Variants in VPS13B observed in about 807,000 individuals in gnomAD.
The protein encoded by VPS13B is intermembrane lipid transfer protein VPS13B.
In VPS13B, 285 loss-of-function variants were observed where a neutral mutation model predicts 426.4. The observed-to-expected ratio is 0.67, with a 90% confidence interval of 0.61 to 0.74. The LOEUF is 0.74. Among genes scored for constraint, VPS13B ranks in the 30% least tolerant of loss-of-function variants. The pLI is 0.00. For synonymous variants in VPS13B, 1,676 were observed against 1,676.4 expected, an observed-to-expected ratio of 1.00 and a Z score of 0.01; for missense variants, 4,537 against 4,782.6, an observed-to-expected ratio of 0.95 and a Z score of 1.51.
rs1184653913 is a variant in VPS13B at position 99,096,355 on chromosome 8, C to T, written c.335C>T (p.Thr112Ile). Residue 112 changes from threonine (T) to isoleucine (I), a missense_variant, in exon 4 of 62, where the codon ACT becomes ATT. By Grantham distance (89) the Thr-to-Ile change is moderately conservative. Around this residue, in one of 2 missense-constraint regions of VPS13B, gnomAD observed 226 missense variants for 308.3 expected, o/e 0.73. Coordinates refer to ENST00000357162, the MANE Select transcript of VPS13B (RefSeq NM_152564.5). ...GGTTCTAATTCTACCAACCGTAGTA[C>T]TGCTGAGAGCACAAAATCATCAATC... ...SCGSNSTNRS[T>I]AESTKSSIKP... 2.5e-6 allele frequency: 4 copies of T among 1,613,950 alleles called. No individual in the cohort carries two copies. The highest frequency in any genetic ancestry group is 3.4e-6 in the Non-Finnish European group (4 of 1,179,990).
chr8:99,696,968 C>T, intron 35 of VPS13B: 1 of 641,398 alleles, frequency 1.6e-6, no homozygotes, highest in Non-Finnish European at 2.9e-6. Flanking sequence ...ACCTGAACGT[C>T]AAGGGGCTGC....
At chr8:99,228,139 A>G (rs1443566196) in intron 17 of VPS13B, among the ~76,000 whole-genome samples, 1 of 152,254 alleles carries the variant, frequency 6.6e-6, no homozygotes, top group Non-Finnish European at 1.5e-5. Flanking sequence ...TTAAAAAAAT[A>G]AAATGGCTTA....
chr8:99,039,545 GTT>G (rs201743231), intron 3 of VPS13B, among the ~76,000 whole-genome samples: 14 of 136,932 alleles, frequency 1.0e-4, no homozygotes, highest in Admixed American at 7.3e-5. Flanking sequence ...TTTTTATTAG[GTT>G]TTTTTTTTTT....
At chr8:99,474,004 A>G (rs1467040196) in intron 24 of VPS13B, among the ~76,000 whole-genome samples, 1 of 152,148 alleles carries the variant, frequency 6.6e-6, no homozygotes, top group Non-Finnish European at 1.5e-5. Context: ...TGAAAGAAGT[A>G]AAGAGATATA....
intron 36 of VPS13B, among the ~76,000 whole-genome samples, chr8:99,705,534 GA>G (rs1235314044): frequency 9.9e-5 from 15 of 151,972 alleles, no homozygotes; most frequent in African/African-American, 3.4e-4. Flanking sequence ...CAAGAAAGGA[GA>G]TTAAAAATTA....
At chr8:99,464,455 A>G (rs942376782) in intron 23 of VPS13B, among the ~76,000 whole-genome samples, 1 of 152,198 alleles carries the variant, frequency 6.6e-6, no homozygotes, top group Non-Finnish European at 1.5e-5. Flanking sequence ...ACCCAAAAAG[A>G]TTCAGGGTCA....
intron 17 of VPS13B, among the ~76,000 whole-genome samples, chr8:99,273,171 T>C (rs1588197242): frequency 6.6e-6 from 1 of 150,684 alleles, no homozygotes; most frequent in East Asian, 1.9e-4. Context: ...TTTTTTTTTT[T>C]TTTTTTGAGA....
chr8:99,784,950 A>G (rs1340137645), intron 43 of VPS13B, among the ~76,000 whole-genome samples: 2 of 152,128 alleles, frequency 1.3e-5, no homozygotes, highest in African/African-American at 2.4e-5. Context: ...TAGCAGGCAC[A>G]TGCTAGGCAC....
rs146950797 is a variant in VPS13B, at chr8:99,401,120, T to C, written c.3082+9416T>C. 1.1e-3 allele frequency among the ~76,000 whole-genome samples: 169 copies of C among 152,338 alleles called. 2 individuals are homozygous for C. The East Asian group carries it at 0.031, about 28-fold the overall frequency. On this transcript the variant is annotated intron_variant, in intron 21 of 61. Transcript: ENST00000357162. ...ACTGAGATACATCATATTGAAGAGATGAAAAGGGCATCATTGACTGTACTC... is the reference window on the plus strand; with the variant it reads ...ACTGAGATACATCATATTGAAGAGACGAAAAGGGCATCATTGACTGTACTC...
chr8:99,796,114 T>A (rs192454459), intron 43 of VPS13B, among the ~76,000 whole-genome samples: 1 of 152,200 alleles, frequency 6.6e-6, no homozygotes, highest in East Asian at 1.9e-4. Flanking sequence ...CAGGACATAA[T>A]GGTGTTTTAA....
intron 49 of VPS13B, among the ~76,000 whole-genome samples, chr8:99,820,740 T>G (rs1814311674): frequency 1.3e-5 from 2 of 152,140 alleles, no homozygotes; most frequent in African/African-American, 4.8e-5. Context: ...CAAATCTATT[T>G]AAAAAATAGA....
chr8:99,273,708 C>T (rs1183157658), intron 17 of VPS13B, among the ~76,000 whole-genome samples: 3 of 2,672 alleles, frequency 1.1e-3, no homozygotes, highest in African/African-American at 1.9e-3. Flanking sequence ...TGCTTGAACC[C>T]GGGAGGCAGA....
intron 44 of VPS13B, among the ~76,000 whole-genome samples, chr8:99,815,051 G>A (rs1813942132): frequency 7.0e-6 from 1 of 143,352 alleles, no homozygotes; most frequent in African/African-American, 2.5e-5. Context: ...AGGTTGCTGT[G>A]AGAATGTGTT....
Position 99,511,369 on chromosome 8 carries a change from C to T in VPS13B, c.4490C>T (p.Thr1497Ile). 6.2e-7 allele frequency: 1 copy of T among 1,613,936 alleles called. No homozygotes were observed. The highest frequency in any genetic ancestry group is 1.1e-5 in the South Asian group (1 of 91,076). ...ATATTTCAAGCAAAACTACCAAAGA[C>T]CCAAAAAGAGAAAAGAAAATCTCCT... is the stretch of plus-strand genomic sequence containing the variant. ...ASIFQAKLPK[T>I]QKEKRKSPGQ... The change falls in exon 29 of 62, where the codon ACC (threonine) becomes ATC (isoleucine). Residue 1497 changes from threonine to isoleucine, a missense_variant. This residue lies in a region of VPS13B where 4,311 missense variants were observed against 4,474.3 expected (regional missense o/e 0.96). Coordinates refer to ENST00000357162, the MANE Select transcript of VPS13B (RefSeq NM_152564.5).
intron 17 of VPS13B, among the ~76,000 whole-genome samples, chr8:99,223,163 A>G (rs1466927766): frequency 6.6e-6 from 1 of 152,192 alleles, no homozygotes; most frequent in Admixed American, 6.5e-5. Flanking sequence ...TATGTGGGAA[A>G]CTTTAATTTT....
At chr8:99,643,813 A>T (rs190476218) in intron 34 of VPS13B, among the ~76,000 whole-genome samples, 1 of 152,314 alleles carries the variant, frequency 6.6e-6, no homozygotes. Context: ...TCTCTTTCTC[A>T]AATATATTCT....
chr8:99,371,423 C>T (rs1192604079), intron 19 of VPS13B, among the ~76,000 whole-genome samples: 1 of 152,164 alleles, frequency 6.6e-6, no homozygotes, highest in East Asian at 1.9e-4. Flanking sequence ...TCTGAGGCCT[C>T]TGTTCTGTTC....
At chr8:99,044,692 G>T (rs915530829) in intron 3 of VPS13B, among the ~76,000 whole-genome samples, 21 of 152,004 alleles carry the variant, frequency 1.4e-4, no homozygotes, top group African/African-American at 5.1e-4. Context: ...TTATTCCTTT[G>T]CATCCTCATA....
chr8:99,055,113 C>G lies in VPS13B; in HGVS notation c.291+16547C>G, dbSNP rs564544599. On this transcript the variant is annotated intron_variant, in intron 3 of 61. Coordinates refer to ENST00000357162, the MANE Select transcript of VPS13B (RefSeq NM_152564.5). ...CATGCAGTGGCATGATCTCAGCTCGCTATATAACCTCTGCTTTCGTGCTTA... is the reference window on the plus strand; with the variant it reads ...CATGCAGTGGCATGATCTCAGCTCGGTATATAACCTCTGCTTTCGTGCTTA... Among the ~76,000 whole-genome samples, 16 of 151,260 alleles carry G rather than the reference C, an allele frequency of 1.1e-4. No individual in the cohort carries two copies. The South Asian group carries it at 3.3e-3, about 32-fold the overall frequency.
Sources: allele counts gnomAD v4.1 joint callset (sites outside exome capture counted in the v4.1 genomes callset), GRCh38; gene constraint gnomAD v4.1.1; regional missense constraint gnomAD v4.1.1; transcripts MANE v1.5; gene names NCBI Gene and HGNC (gene_info 2026-07-23, HGNC 2026-07-21).